The following GRM5 variants were observed in gnomAD, a reference collection of about 807,000 sequenced individuals.
GRM5 encodes metabotropic glutamate receptor 5.
GRM5 carries 19 observed loss-of-function variants against 83.1 expected under a neutral mutation model. The observed-to-expected ratio is 0.23, with a 90% CI of 0.16 to 0.34. The LOEUF is 0.34. GRM5 is among the 10% of genes least tolerant of loss of function. The probability of loss-of-function intolerance (pLI) is 1.00; values close to 1 mark genes in which losing one functional copy is unlikely to be tolerated. For missense variants in GRM5, 1,160 were observed against 1,588.3 expected (o/e 0.73, Z 4.58); for synonymous variants, 675 against 633.6 (o/e 1.07, Z -0.98).
chr11:88,582,827 T>C (rs72955003), intron 7 of GRM5, among the ~76,000 whole-genome samples: 31,638 of 151,998 alleles, frequency 0.21, 3,420 homozygotes, highest in Middle Eastern at 0.24. Context: ...CCGATTTTTT[T>C]TCCTTCTATA....
intron 6 of GRM5, among the ~76,000 whole-genome samples, chr11:88,596,465 A>G (rs1363948978): frequency 6.6e-6 from 1 of 152,138 alleles, no homozygotes; most frequent in African/African-American, 2.4e-5. Context: ...AAAACTCTCC[A>G]CAAATCTGGG....
At chr11:88,821,291 C>T (rs1199054973) in intron 3 of GRM5, among the ~76,000 whole-genome samples, 4 of 140,076 alleles carry the variant, frequency 2.9e-5, no homozygotes, top group African/African-American at 2.7e-5. Context: ...AAGGGTTGAT[C>T]GTAACTCCCT....
intron 3 of GRM5, among the ~76,000 whole-genome samples, chr11:88,693,322 G>T (rs1940825399): frequency 6.6e-6 from 1 of 152,214 alleles, no homozygotes; most frequent in African/African-American, 2.4e-5. Context: ...ATGTATAAAG[G>T]CTAGTATGGA....
At chr11:88,876,473 T>C (rs1463822264) in intron 2 of GRM5, among the ~76,000 whole-genome samples, 9 of 152,120 alleles carry the variant, frequency 5.9e-5, no homozygotes, top group Admixed American at 2.0e-4. Flanking sequence ...TTCACTGGAG[T>C]AGCATTTTTA....
At chr11:88,858,168 C>T (rs577920591) in intron 2 of GRM5, among the ~76,000 whole-genome samples, 1 of 151,972 alleles carries the variant, frequency 6.6e-6, no homozygotes, top group Non-Finnish European at 1.5e-5. Context: ...ATTGGAAGTA[C>T]CAGAAGGATC....
chr11:88,888,647 T>G lies in GRM5; in HGVS notation c.662-38492A>C, dbSNP rs369009901. Among the ~76,000 whole-genome samples, 66 of 152,260 alleles carry G rather than the reference T, an allele frequency of 4.3e-4. 1 individual carries two copies. The highest frequency in any genetic ancestry group is 3.4e-3 in the Middle Eastern group (1 of 294). On this transcript the variant is annotated intron_variant, in intron 2 of 9. Transcript: ENST00000305447. ...AAAAGTTTTTTTTTACTAGTTGGGTTTTTGGCTTCTCTATCCCTGTGCAAA... is the reference window on the plus strand; with the variant it reads ...AAAAGTTTTTTTTTACTAGTTGGGTGTTTGGCTTCTCTATCCCTGTGCAAA...
At chr11:88,787,938 G>A (rs1437079943) in intron 3 of GRM5, among the ~76,000 whole-genome samples, 2 of 152,148 alleles carry the variant, frequency 1.3e-5, no homozygotes, top group African/African-American at 4.8e-5. Flanking sequence ...TCAATACATA[G>A]GCTAGATCTA....
chr11:88,960,883 C>T (rs627740), intron 2 of GRM5, among the ~76,000 whole-genome samples: 135,510 of 152,116 alleles, frequency 0.89, 62,394 homozygotes, highest in Non-Finnish European at 1. Context: ...TTTCTGATTA[C>T]ATTATATATA....
chr11:88,798,805 C>CAAAAAAAAA lies in GRM5; in HGVS notation c.911+51092_911+51100dup, dbSNP rs4002396. 2.5e-3 allele frequency among the ~76,000 whole-genome samples: 138 copies of CAAAAAAAAA among 55,156 alleles called. 1 individual carries two copies. Among genetic ancestry groups the CAAAAAAAAA allele is most frequent in the East Asian group, 5.0e-3 (10 of 1,998 alleles). 36.2% of individuals were successfully genotyped at this position (55,156 alleles called of 152,430 possible). ...ACTCTTTGCTACCTAATGAAAACAC[C>CAAAAAAAAA]AAAAAAAAAAAAAAAAAAAAAACAA... On this transcript the variant is annotated intron_variant, in intron 3 of 9. Coordinates refer to ENST00000305447, the MANE Select transcript of GRM5 (RefSeq NM_001143831.3).
intron 4 of GRM5, among the ~76,000 whole-genome samples, chr11:88,648,234 C>T (rs1591409316): frequency 1.4e-5 from 2 of 140,658 alleles, no homozygotes; most frequent in African/African-American, 2.6e-5. Flanking sequence ...TTCACAATAG[C>T]AAAGACTTGG....
chr11:88,930,125 A>G (rs1424329351), intron 2 of GRM5, among the ~76,000 whole-genome samples: 1 of 152,132 alleles, frequency 6.6e-6, no homozygotes, highest in Non-Finnish European at 1.5e-5. Flanking sequence ...GTGATAAAAA[A>G]TAATTTGTGC....
chr11:88,671,119 G>A (rs1348841905), intron 3 of GRM5, among the ~76,000 whole-genome samples: 2 of 151,562 alleles, frequency 1.3e-5, no homozygotes, highest in African/African-American at 4.8e-5. Flanking sequence ...AGGTCAGCAC[G>A]ACCATAAACC....
chr11:88,598,643 G>C (rs1011277701), intron 5 of GRM5, among the ~76,000 whole-genome samples: 2 of 152,040 alleles, frequency 1.3e-5, no homozygotes, highest in African/African-American at 4.8e-5. Context: ...TGAGATATTA[G>C]AGCACAGAGC....
In GRM5 at chr11:88,507,060, T is replaced by A. The variant is rs1941199839; in HGVS notation, c.*1532A>T. On this transcript the variant is annotated 3_prime_UTR_variant, in exon 10 of 10. Transcript: ENST00000305447. ...AAAACATTTGGTACCTGAGGATAGCTGCAATGGGAGGAAGAAAGAGATGAC... is the reference window on the plus strand; with the variant it reads ...AAAACATTTGGTACCTGAGGATAGCAGCAATGGGAGGAAGAAAGAGATGAC... The A allele has an allele frequency of 6.6e-6, 1 of 152,138 alleles. No homozygotes were observed. Among genetic ancestry groups the A allele is most frequent in the East Asian group, 1.9e-4 (1 of 5,198 alleles). The allele number at this position is 152,138 out of a possible 1,614,324, so 9.4% of individuals were successfully genotyped here.
intron 3 of GRM5, among the ~76,000 whole-genome samples, chr11:88,844,757 CT>C (rs895425204): frequency 1.3e-5 from 2 of 152,072 alleles, no homozygotes; most frequent in African/African-American, 4.8e-5. Flanking sequence ...GATTCCAACC[CT>C]CATGGATGAC....
intron 2 of GRM5, among the ~76,000 whole-genome samples, chr11:89,019,540 CAA>C (rs765009438): frequency 3.3e-5 from 4 of 122,982 alleles, no homozygotes; most frequent in Non-Finnish European, 3.6e-5. Flanking sequence ...ACTAAAAATA[CAA>C]AAAAAAAAAA....
At chr11:88,663,850 A>T (rs1939969090) in intron 3 of GRM5, among the ~76,000 whole-genome samples, 1 of 152,116 alleles carries the variant, frequency 6.6e-6, no homozygotes, top group African/African-American at 2.4e-5. Flanking sequence ...TAAATCAGTA[A>T]TTTTTTTATT....
rs377379152 is a variant in GRM5 at position 88,948,400 on chromosome 11, G to A, written c.662-98245C>T. Among the ~76,000 whole-genome samples the A allele has an allele frequency of 7.9e-5, 12 of 152,310 alleles. 1 individual carries two copies. Among genetic ancestry groups the A allele is most frequent in the African/African-American group, 2.4e-4 (10 of 41,572 alleles). ...TCACTGCTTTGCTCAAGGATGGCAT[G>A]CTGCTTTCAGTTTCCACTGTTATCT... On this transcript the variant is annotated intron_variant, in intron 2 of 9. Transcript: ENST00000305447.
At chr11:88,940,447 T>C (rs1938054547) in intron 2 of GRM5, among the ~76,000 whole-genome samples, 1 of 151,028 alleles carries the variant, frequency 6.6e-6, no homozygotes, top group Non-Finnish European at 1.5e-5. Context: ...GGAATGGTGA[T>C]GGGAGAAAGC....
Sources: allele counts gnomAD v4.1 joint callset (sites outside exome capture counted in the v4.1 genomes callset), GRCh38; gene constraint gnomAD v4.1.1; transcripts MANE v1.5; gene names NCBI Gene and HGNC (gene_info 2026-07-23, HGNC 2026-07-21).